Variants in VWC2L observed in about 807,000 individuals in gnomAD.
The protein encoded by VWC2L is von Willebrand factor C domain containing 2 like, also known as von Willebrand factor C domain-containing protein 2-like.
VWC2L carries 10 observed loss-of-function variants against 21.6 expected under a neutral mutation model. The observed-to-expected ratio is 0.46, with a 90% CI of 0.29 to 0.78. The LOEUF is 0.78. Among genes scored for constraint, VWC2L ranks in the 30% least tolerant of loss-of-function variants. The pLI is 0.10. For synonymous variants in VWC2L, 96 were observed against 94.3 expected, an observed-to-expected ratio of 1.02 and a Z score of -0.10; for missense variants, 209 against 277.1, an observed-to-expected ratio of 0.75 and a Z score of 1.74.
rs1343673764 is a variant in VWC2L at position 214,525,908 on chromosome 2, TA to T, written c.521-49759del. On this transcript the variant is annotated intron_variant, in intron 3 of 3. Coordinates refer to ENST00000312504, the MANE Select transcript of VWC2L (RefSeq NM_001080500.4). ...AGTTTTCTCACATATTAAATATGGATAAAAAGTAGTACATACCGCATACCAT... is the reference window on the plus strand; with the variant it reads ...AGTTTTCTCACATATTAAATATGGATAAAAGTAGTACATACCGCATACCAT... Among the ~76,000 whole-genome samples, 8 of 152,252 alleles carry T rather than the reference TA, an allele frequency of 5.3e-5. No homozygotes were observed. The South Asian group carries it at 1.5e-3, about 28-fold the overall frequency.
At chr2:214,535,402 T>C (rs1689509909) in intron 3 of VWC2L, among the ~76,000 whole-genome samples, 1 of 152,046 alleles carries the variant, frequency 6.6e-6, no homozygotes, top group Non-Finnish European at 1.5e-5. Context: ...CATATCATGC[T>C]CTTCCAACAT....
intron 3 of VWC2L, among the ~76,000 whole-genome samples, chr2:214,548,570 T>C (rs1377858374): frequency 6.6e-6 from 1 of 152,216 alleles, no homozygotes; most frequent in African/African-American, 2.4e-5. Flanking sequence ...GCATCCTTGA[T>C]GTTTTAGTAT....
At chr2:214,491,564 A>AT (rs1688746104) in intron 3 of VWC2L, among the ~76,000 whole-genome samples, 1 of 152,224 alleles carries the variant, frequency 6.6e-6, no homozygotes, top group African/African-American at 2.4e-5. Context: ...TAATGTTACA[A>AT]TACCTTTGGG....
At chr2:214,487,561 G>C (rs1285308842) in intron 3 of VWC2L, among the ~76,000 whole-genome samples, 1 of 152,184 alleles carries the variant, frequency 6.6e-6, no homozygotes, top group Non-Finnish European at 1.5e-5. Flanking sequence ...AGAGAATAAG[G>C]TGTCAGGTAA....
rs1000747748 is a variant in VWC2L, at chr2:214,577,612, T to C, written c.*1792T>C. 5 of 152,242 alleles carry C rather than the reference T, an allele frequency of 3.3e-5. No homozygotes were observed. The highest frequency in any genetic ancestry group is 6.5e-5 in the Admixed American group (1 of 15,286). 9.4% of individuals were successfully genotyped at this position (152,242 alleles called of 1,614,324 possible). A position where few individuals can be genotyped will look rare whatever the true frequency, so the allele number is the denominator to read the frequency against. ...GTGAGCTTCTGATCCCTATGGGACA[T>C]ACACAGTCAGCATTTCCAAGGGGTC... On this transcript the variant is annotated 3_prime_UTR_variant, in exon 4 of 4. Coordinates refer to ENST00000312504, the MANE Select transcript of VWC2L (RefSeq NM_001080500.4).
intron 3 of VWC2L, among the ~76,000 whole-genome samples, chr2:214,442,473 C>T (rs1209434318): frequency 1.3e-5 from 2 of 151,986 alleles, no homozygotes; most frequent in South Asian, 2.1e-4. Context: ...ATTTTTAAAC[C>T]CCTTTTTATT....
chr2:214,552,332 A>G (rs1689806879), intron 3 of VWC2L, among the ~76,000 whole-genome samples: 1 of 152,220 alleles, frequency 6.6e-6, no homozygotes, highest in African/African-American at 2.4e-5. Context: ...TTAGCCCTGC[A>G]TCTCACCTTC....
chr2:214,421,523 C>G (rs1347168274), intron 2 of VWC2L, among the ~76,000 whole-genome samples: 7 of 152,146 alleles, frequency 4.6e-5, no homozygotes, highest in African/African-American at 1.4e-4. Flanking sequence ...ACAAGCGTGA[C>G]TACCGAGATT....
At chr2:214,522,011 T>G (rs184483128) in intron 3 of VWC2L, among the ~76,000 whole-genome samples, 229 of 152,300 alleles carry the variant, frequency 1.5e-3, no homozygotes, top group African/African-American at 5.0e-3. Context: ...GTTCTTATGT[T>G]TATAAATGAT....
chr2:214,482,663 A>AT (rs35827236), intron 3 of VWC2L, among the ~76,000 whole-genome samples: 91 of 142,008 alleles, frequency 6.4e-4, no homozygotes, highest in African/African-American at 2.0e-3. Flanking sequence ...ATATATATAT[A>AT]TTTTTTTTTC....
intron 3 of VWC2L, among the ~76,000 whole-genome samples, chr2:214,541,423 C>A (rs765120453): frequency 6.6e-6 from 1 of 152,150 alleles, no homozygotes. Context: ...CCTCATTGCT[C>A]CATGCAGTCT....
rs59720596 is a variant in VWC2L, at chr2:214,480,864, CAAAAAAAA to C, written c.520+44123_520+44130del. Among the ~76,000 whole-genome samples, 17 of 71,760 alleles carry C rather than the reference CAAAAAAAA, an allele frequency of 2.4e-4. 1 individual carries two copies. Among genetic ancestry groups the C allele is most frequent in the East Asian group, 1.3e-3 (3 of 2,394 alleles). 47.1% of individuals were successfully genotyped at this position (71,760 alleles called of 152,430 possible). On this transcript the variant is annotated intron_variant, in intron 3 of 3. Transcript: ENST00000312504. ...TTATTCAGAGGTCCATATGCCAAGC[CAAAAAAAA>C]AAAAAAAAAAAAAAAAGGTAGATGT...
At chr2:214,442,425 A>G (rs1702774750) in intron 3 of VWC2L, among the ~76,000 whole-genome samples, 1 of 152,320 alleles carries the variant, frequency 6.6e-6, no homozygotes, top group South Asian at 2.1e-4. Context: ...TTCACAAAAT[A>G]CAAAAATTAT....
chr2:214,461,562 C>T lies in VWC2L; in HGVS notation c.520+24804C>T, dbSNP rs1574577465. Among the ~76,000 whole-genome samples, 5 of 152,236 alleles carry T rather than the reference C, an allele frequency of 3.3e-5. No individual in the cohort carries two copies. The South Asian group carries it at 6.2e-4, about 19-fold the overall frequency. On this transcript the variant is annotated intron_variant, in intron 3 of 3. Transcript: ENST00000312504. Reference sequence around the variant, plus strand: ...ATCACCAGTGGCAGGTGTTCCAGAACACCTGTTGCTAGGCCCTTGGTGGTA... The same window carrying T: ...ATCACCAGTGGCAGGTGTTCCAGAATACCTGTTGCTAGGCCCTTGGTGGTA...
chr2:214,526,500 T>C (rs1689340439), intron 3 of VWC2L, among the ~76,000 whole-genome samples: 1 of 152,192 alleles, frequency 6.6e-6, no homozygotes, highest in African/African-American at 2.4e-5. Flanking sequence ...AACCACAGCC[T>C]GCTATAAAGA....
chr2:214,481,252 T>C (rs1688600463), intron 3 of VWC2L, among the ~76,000 whole-genome samples: 2 of 152,164 alleles, frequency 1.3e-5, no homozygotes, highest in South Asian at 2.1e-4. Context: ...AGAAATGATG[T>C]TGGGAGGCTT....
At chr2:214,465,821 G>T (rs1703207996) in intron 3 of VWC2L, among the ~76,000 whole-genome samples, 1 of 152,194 alleles carries the variant, frequency 6.6e-6, no homozygotes, top group Non-Finnish European at 1.5e-5. Context: ...TTCCTCTCTG[G>T]TTAGGGTTGT....
intron 3 of VWC2L, among the ~76,000 whole-genome samples, chr2:214,468,712 G>A (rs1285603336): frequency 6.6e-6 from 1 of 152,074 alleles, no homozygotes; most frequent in Non-Finnish European, 1.5e-5. Context: ...ATAATGAGAA[G>A]AGAATGGGTA....
intron 3 of VWC2L, among the ~76,000 whole-genome samples, chr2:214,551,657 C>G (rs897772523): frequency 1.3e-5 from 2 of 152,174 alleles, no homozygotes; most frequent in Admixed American, 6.6e-5. Context: ...AACTTAAAAC[C>G]TGCAGTTCAT....
Sources: gnomAD v4.1 joint callset for allele counts (sites outside exome capture counted in the v4.1 genomes callset) on GRCh38, gnomAD v4.1.1 for gene constraint, MANE v1.5 for transcripts, NCBI Gene and HGNC (gene_info 2026-07-23, HGNC 2026-07-21) for gene names.